NXPH1: variants seen among roughly 807,000 people sequenced by gnomAD.
NXPH1 encodes neurexophilin 1, also known as neurexophilin-1.
In NXPH1, 5 loss-of-function variants were observed where a neutral mutation model predicts 23.7. That is an observed-to-expected ratio of 0.21 (90% confidence interval 0.11 to 0.44). The LOEUF (loss-of-function observed/expected upper bound fraction) is 0.44. Ranked by LOEUF, NXPH1 falls within the 20% of genes least tolerant of loss-of-function variation. The probability of loss-of-function intolerance (pLI) is 0.99; values close to 1 mark genes in which losing one functional copy is unlikely to be tolerated. For synonymous variants in NXPH1, 144 were observed against 122.2 expected (o/e 1.18, Z -1.18); for missense variants, 324 against 321.6 (o/e 1.01, Z -0.06).
intron 2 of NXPH1, among the ~76,000 whole-genome samples, chr7:8,627,586 T>C (rs1444563464): frequency 3.9e-5 from 6 of 152,128 alleles, no homozygotes; most frequent in Admixed American, 1.3e-4. Flanking sequence ...TGAAGCATTT[T>C]ATTACTGACA....
At chr7:8,622,108 G>C (rs77497789) in intron 2 of NXPH1, among the ~76,000 whole-genome samples, 2 of 152,138 alleles carry the variant, frequency 1.3e-5, no homozygotes, top group Non-Finnish European at 2.9e-5. Context: ...CAGGCATTTA[G>C]AAAGCCTCTA....
intron 2 of NXPH1, among the ~76,000 whole-genome samples, chr7:8,513,710 C>T (rs935863766): frequency 6.6e-6 from 1 of 152,030 alleles, no homozygotes; most frequent in African/African-American, 2.4e-5. Flanking sequence ...TCATCTGAAC[C>T]TCTTGAATTC....
At chr7:8,492,330 T>C (rs115500090) in intron 2 of NXPH1, among the ~76,000 whole-genome samples, 1,840 of 152,166 alleles carry the variant, frequency 0.012, 42 homozygotes, top group African/African-American at 0.042. Flanking sequence ...ATACTAAATT[T>C]GGAGTCAGAA....
At chr7:8,742,807 AT>A (rs1255154512) in intron 2 of NXPH1, among the ~76,000 whole-genome samples, 1 of 152,182 alleles carries the variant, frequency 6.6e-6, no homozygotes, top group Non-Finnish European at 1.5e-5. Context: ...GTAAAATTTC[AT>A]TATTGAAATG....
chr7:8,478,738 G>A (rs912579950), intron 2 of NXPH1, among the ~76,000 whole-genome samples: 3 of 152,174 alleles, frequency 2.0e-5, no homozygotes, highest in Middle Eastern at 3.4e-3. Context: ...GGCCATTTGA[G>A]CATATTGATC....
At chr7:8,539,153 G>A (rs1438894554) in intron 2 of NXPH1, among the ~76,000 whole-genome samples, 1 of 151,828 alleles carries the variant, frequency 6.6e-6, no homozygotes, top group East Asian at 1.9e-4. Flanking sequence ...AAGATGGGTA[G>A]GTGGAAGGGG....
chr7:8,654,887 G>T (rs1820547922), intron 2 of NXPH1, among the ~76,000 whole-genome samples: 1 of 152,154 alleles, frequency 6.6e-6, no homozygotes, highest in South Asian at 2.1e-4. Context: ...GATTCTTCCT[G>T]GGGGTAAAGA....
chr7:8,482,608 C>G (rs1025811518), intron 2 of NXPH1, among the ~76,000 whole-genome samples: 3 of 152,182 alleles, frequency 2.0e-5, no homozygotes, highest in Non-Finnish European at 4.4e-5. Context: ...GTGGAGAAGA[C>G]TTGACAGGTA....
chr7:8,670,617 T>C (rs1267998894), intron 2 of NXPH1, among the ~76,000 whole-genome samples: 1 of 152,256 alleles, frequency 6.6e-6, no homozygotes, highest in African/African-American at 2.4e-5. Context: ...ACAGAAGTTA[T>C]AACTTCTATT....
chr7:8,527,253 G>A (rs1391633260), intron 2 of NXPH1, among the ~76,000 whole-genome samples: 3 of 152,172 alleles, frequency 2.0e-5, no homozygotes, highest in African/African-American at 7.2e-5. Context: ...ACGTAGTGAC[G>A]TGTCGCCTCC....
intron 2 of NXPH1, among the ~76,000 whole-genome samples, chr7:8,487,706 AC>A (rs1273025880): frequency 6.6e-6 from 1 of 152,012 alleles, no homozygotes; most frequent in Non-Finnish European, 1.5e-5. Context: ...GAAACAAGTG[AC>A]TCTACTCAAA....
At chr7:8,663,621 T>G (rs989051231) in intron 2 of NXPH1, among the ~76,000 whole-genome samples, 6 of 152,082 alleles carry the variant, frequency 3.9e-5, no homozygotes, top group Non-Finnish European at 8.8e-5. Flanking sequence ...TATAAAGATA[T>G]CCCCTTACAA....
intron 2 of NXPH1, among the ~76,000 whole-genome samples, chr7:8,744,748 C>A (rs1200336616): frequency 2.0e-5 from 3 of 152,170 alleles, no homozygotes; most frequent in African/African-American, 4.8e-5. Context: ...GTTTTCCTTG[C>A]AGATGCAAGC....
At chr7:8,458,691 C>A (rs1046759003) in intron 2 of NXPH1, among the ~76,000 whole-genome samples, 1 of 146,400 alleles carries the variant, frequency 6.8e-6, no homozygotes, top group African/African-American at 2.8e-5. Context: ...GTGATGATTG[C>A]GGCATTTGGT....
intron 2 of NXPH1, among the ~76,000 whole-genome samples, chr7:8,700,071 A>G (rs1779598075): frequency 2.0e-5 from 3 of 152,132 alleles, no homozygotes; most frequent in Non-Finnish European, 4.4e-5. Flanking sequence ...TCTTTTCATT[A>G]CTCTGCCTGT....
chr7:8,566,776 A>T (rs942648990), intron 2 of NXPH1, among the ~76,000 whole-genome samples: 8 of 151,802 alleles, frequency 5.3e-5, no homozygotes, highest in African/African-American at 1.7e-4. Context: ...TCCAGCTTAC[A>T]GGTGGCCTGG....
intron 2 of NXPH1, among the ~76,000 whole-genome samples, chr7:8,580,095 G>A (rs756366232): frequency 3.7e-4 from 57 of 152,208 alleles, no homozygotes; most frequent in South Asian, 1.4e-3. Flanking sequence ...GGAGAACAAA[G>A]TAGGCTGAGG....
intron 2 of NXPH1, among the ~76,000 whole-genome samples, chr7:8,544,340 A>C (rs1818169008): frequency 6.6e-6 from 1 of 151,502 alleles, no homozygotes; most frequent in African/African-American, 2.4e-5. Context: ...TGCCAGGAGC[A>C]CCCTCCTACC....
intron 2 of NXPH1, among the ~76,000 whole-genome samples, chr7:8,530,594 GGTT>G (rs1016277675): frequency 1.8e-4 from 27 of 152,172 alleles, no homozygotes; most frequent in African/African-American, 6.5e-4. Context: ...CAAGAAAGAC[GGTT>G]GTTGTAGGGT....
Sources: allele counts gnomAD v4.1 joint callset (sites outside exome capture counted in the v4.1 genomes callset), GRCh38; gene constraint gnomAD v4.1.1; transcripts MANE v1.5; gene names NCBI Gene and HGNC (gene_info 2026-07-23, HGNC 2026-07-21).